The following PRMT8 variants were observed in gnomAD, a reference collection of about 807,000 sequenced individuals.
PRMT8 encodes protein arginine N-methyltransferase 8.
A neutral mutation model predicts 47.1 loss-of-function variants in PRMT8; 7 were observed. The observed-to-expected ratio is 0.15, with a 90% CI of 0.08 to 0.28. The LOEUF is 0.28. PRMT8 is among the 10% of genes least tolerant of loss of function. The pLI is 1.00. For synonymous variants in PRMT8, 188 were observed against 186.5 expected (o/e 1.01, Z -0.07); for missense variants, 237 against 505.4 (o/e 0.47, Z 5.09).
intron 8 of PRMT8, among the ~76,000 whole-genome samples, chr12:3,587,447 A>G (rs1051530573): frequency 6.6e-6 from 1 of 152,070 alleles, no homozygotes; most frequent in Non-Finnish European, 1.5e-5. Flanking sequence ...TAACTGTAAT[A>G]TAATTATAAT....
At chr12:3,515,221 G>A (rs1383625497) in intron 1 of PRMT8, among the ~76,000 whole-genome samples, 1 of 152,132 alleles carries the variant, frequency 6.6e-6, no homozygotes, top group Non-Finnish European at 1.5e-5. Flanking sequence ...TTGTGGTGGC[G>A]GCTGCTCATT....
At chr12:3,457,856 TTTTTTTTTTTA>T (rs1481934806) in intron 1 of PRMT8, among the ~76,000 whole-genome samples, 3 of 66,048 alleles carry the variant, frequency 4.5e-5, no homozygotes, top group African/African-American at 1.4e-4. Context: ...TTTTTTTTTT[TTTTTTTTTTTA>T]AGACAGCGTT....
chr12:3,542,709 C>T (rs1464197162), intron 2 of PRMT8, among the ~76,000 whole-genome samples: 2 of 152,218 alleles, frequency 1.3e-5, no homozygotes, highest in Non-Finnish European at 2.9e-5. Context: ...CACTCGGAGC[C>T]TCCGTGATCG....
At position 3,491,388 on chromosome 12, in the gene PRMT8, C is replaced by T. The variant is rs899758805; in HGVS notation, c.-238C>T. ...AGGGGCGGGGAGGGGGTCGGGGGCA[C>T]GAGAAGAACTTGAAACCGTGTGAAG... is the stretch of plus-strand genomic sequence containing the variant. On this transcript the variant is annotated 5_prime_UTR_variant, in exon 1 of 10. The change creates a new upstream start codon in the 5' untranslated region. Transcript: ENST00000382622. 4.9e-6 allele frequency: 6 copies of T among 1,212,780 alleles called. No homozygotes were observed. Among genetic ancestry groups the T allele is most frequent in the Non-Finnish European group, 6.2e-6 (6 of 973,432 alleles). The allele number at this position is 1,212,780 out of a possible 1,614,324, so 75.1% of individuals were successfully genotyped here.
At chr12:3,470,928 C>T (rs1289809044) in intron 1 of PRMT8, among the ~76,000 whole-genome samples, 1 of 152,210 alleles carries the variant, frequency 6.6e-6, no homozygotes, top group Non-Finnish European at 1.5e-5. Flanking sequence ...CTGCAAAAGA[C>T]AGGCTTAATG....
rs1012162466 is a variant in PRMT8 at position 3,455,496 on chromosome 12, G to A, written c.48+74054G>A. Among the ~76,000 whole-genome samples, 9 of 152,088 alleles carry A rather than the reference G, an allele frequency of 5.9e-5. No individual in the cohort carries two copies. In the East Asian group the frequency reaches 9.6e-4, roughly 16 times the overall value. ...TTCTCCCTAAGGGGAATTGACTCAC[G>A]CCCTTTCCCCTTGCCACCCTGAACA... On this transcript the variant is annotated intron_variant, in intron 1 of 9. Coordinates refer to the PRMT8 transcript ENST00000452611.
intron 1 of PRMT8, among the ~76,000 whole-genome samples, chr12:3,523,070 A>C (rs1352888952): frequency 1.3e-5 from 2 of 152,120 alleles, no homozygotes; most frequent in East Asian, 3.9e-4. Context: ...CCAAACCATA[A>C]AGTTCAATGC....
At chr12:3,541,604 A>G (rs770597122) in intron 2 of PRMT8, among the ~76,000 whole-genome samples, 1 of 152,236 alleles carries the variant, frequency 6.6e-6, no homozygotes, top group Non-Finnish European at 1.5e-5. Flanking sequence ...TGAAAAAGGA[A>G]CAAAAGTTTG....
intron 2 of PRMT8, among the ~76,000 whole-genome samples, chr12:3,542,639 C>T (rs1238774659): frequency 6.6e-6 from 1 of 152,188 alleles, no homozygotes; most frequent in Admixed American, 6.5e-5. Context: ...CAGAACTCCC[C>T]CATTAGAAAC....
At chr12:3,446,218 G>A (rs1303103888) in intron 1 of PRMT8, among the ~76,000 whole-genome samples, 1 of 152,142 alleles carries the variant, frequency 6.6e-6, no homozygotes, top group Non-Finnish European at 1.5e-5. Context: ...CTTTATGTTA[G>A]GTGGCCTGTT....
At chr12:3,470,145 T>C (rs1865144360) in intron 1 of PRMT8, among the ~76,000 whole-genome samples, 1 of 152,158 alleles carries the variant, frequency 6.6e-6, no homozygotes, top group African/African-American at 2.4e-5. Context: ...TGCCAACCTT[T>C]TAAAGAAATA....
intron 4 of PRMT8, among the ~76,000 whole-genome samples, chr12:3,555,008 G>A (rs1866500781): frequency 6.6e-6 from 1 of 152,228 alleles, no homozygotes; most frequent in Non-Finnish European, 1.5e-5. Context: ...CCTGCCACCT[G>A]TCCTCTCTGG....
chr12:3,484,773 G>A (rs1026740878), intron 1 of PRMT8, among the ~76,000 whole-genome samples: 1 of 152,348 alleles, frequency 6.6e-6, no homozygotes, highest in Non-Finnish European at 1.5e-5. Context: ...GCTTTGATAG[G>A]CTCCATTGGG....
intron 1 of PRMT8, among the ~76,000 whole-genome samples, chr12:3,495,934 C>T (rs1865497693): frequency 6.6e-6 from 1 of 152,028 alleles, no homozygotes; most frequent in South Asian, 2.1e-4. Flanking sequence ...TATTCATGTA[C>T]TTATTCAATA....
In PRMT8 at chr12:3,491,540, C is replaced by G; in HGVS notation, c.-86C>G. 6.8e-7 allele frequency: 1 copy of G among 1,481,362 alleles called. No homozygotes were observed. Among genetic ancestry groups the G allele is most frequent in the Non-Finnish European group, 9.0e-7 (1 of 1,117,136 alleles). 91.8% of individuals were successfully genotyped at this position (1,481,362 alleles called of 1,614,324 possible). A position where few individuals can be genotyped will look rare whatever the true frequency, so the allele number is the denominator to read the frequency against. ...GCTGGGTTGGATTTTTTTTTTTCTC[C>G]CATCCTCTCGCTCTCTCTTTTAAAG... On this transcript the variant is annotated 5_prime_UTR_variant, in exon 1 of 10. Transcript: ENST00000382622.
rs978501711 is a variant in PRMT8, at chr12:3,409,269, C to T, written c.48+27827C>T. Among the ~76,000 whole-genome samples the T allele has an allele frequency of 2.6e-5, 4 of 152,134 alleles. No homozygotes were observed. ...TCTGGGGTGCAGGGCACAGCACTGG[C>T]CCAGCTTCAGGGAAGAAGGGGTGCT... On this transcript the variant is annotated intron_variant, in intron 1 of 9. Transcript: ENST00000452611. This position sits in a 1 kb window ranked among gnomAD's most constrained non-coding sequence, Gnocchi z 4.4.
At position 3,436,943 on chromosome 12, in the gene PRMT8, T is replaced by A. The variant is rs907087371; in HGVS notation, c.48+55501T>A. 6.6e-6 allele frequency among the ~76,000 whole-genome samples: 1 copy of A among 152,202 alleles called. No individual in the cohort carries two copies. The highest frequency in any genetic ancestry group is 1.5e-5 in the Non-Finnish European group (1 of 68,024). ...ATGGCGAGAGTTTGGTAGGTTCAAT[T>A]TGATTCAGTTTGGCAAACATTTACT... On this transcript the variant is annotated intron_variant, in intron 1 of 9. Transcript: ENST00000452611. The surrounding 1 kb of genome is among the most constrained non-coding windows in gnomAD (Gnocchi z 4.2).
In PRMT8 at chr12:3,557,230, C is replaced by G. The variant is rs1866543067; in HGVS notation, c.481+3516C>G. 6.6e-6 allele frequency among the ~76,000 whole-genome samples: 1 copy of G among 152,132 alleles called. No homozygotes were observed. The highest frequency in any genetic ancestry group is 1.5e-5 in the Non-Finnish European group (1 of 68,020). The stretch of plus-strand genomic sequence containing the variant: ...ATCCTTGCTGTTGTGTGATCTTTCT[C>G]TTACCACTCTCAGGAGCTCGAGTGC... On this transcript the variant is annotated intron_variant, in intron 4 of 9. Transcript: ENST00000382622. This position sits in a 1 kb window ranked among gnomAD's most constrained non-coding sequence, Gnocchi z 4.7.
At chr12:3,563,433 G>A (rs4766141) in intron 4 of PRMT8, among the ~76,000 whole-genome samples, 2 of 151,680 alleles carry the variant, frequency 1.3e-5, no homozygotes, top group Non-Finnish European at 2.9e-5. Context: ...TCATGACACC[G>A]GGGGCTCCCT....
Sources: gnomAD v4.1 joint callset for allele counts (sites outside exome capture counted in the v4.1 genomes callset) on GRCh38, gnomAD v4.1.1 for gene constraint, Gnocchi (gnomAD v3.1) non-coding constraint, MANE v1.5 for transcripts, NCBI Gene and HGNC (gene_info 2026-07-23, HGNC 2026-07-21) for gene names.